Variants in GLIS3 observed in about 807,000 individuals in gnomAD.
The protein encoded by GLIS3 is GLIS family zinc finger 3.
A neutral mutation model predicts 78.6 loss-of-function variants in GLIS3; 53 were observed. That is an observed-to-expected ratio of 0.67 (90% CI 0.54 to 0.85). GLIS3 has a LOEUF of 0.85. GLIS3 is among the 40% of genes least tolerant of loss of function. The pLI, the probability that GLIS3 is intolerant of heterozygous loss-of-function variation, is 0.00. For synonymous variants in GLIS3, 684 were observed against 509.9 expected, an observed-to-expected ratio of 1.34 and a Z score of -4.60; for missense variants, 1,703 against 1,231.1, an observed-to-expected ratio of 1.38 and a Z score of -5.74.
intron 2 of GLIS3, among the ~76,000 whole-genome samples, chr9:4,337,388 T>C (rs958525175): frequency 6.6e-6 from 1 of 152,108 alleles, no homozygotes; most frequent in African/African-American, 2.4e-5. Context: ...AGTGATATGG[T>C]CAAAAAATTA....
intron 4 of GLIS3, among the ~76,000 whole-genome samples, chr9:4,093,223 C>G (rs1032905746): frequency 1.3e-5 from 2 of 151,108 alleles, no homozygotes; most frequent in Non-Finnish European, 2.9e-5. Context: ...AGTCTGGCTC[C>G]AGAGTCCACG....
intron 3 of GLIS3, among the ~76,000 whole-genome samples, chr9:4,124,982 C>G (rs1238598974): frequency 6.6e-6 from 1 of 152,156 alleles, no homozygotes; most frequent in Non-Finnish European, 1.5e-5. Context: ...TGGCTTTATG[C>G]CCCCTCCCAC....
chr9:4,417,452 C>G, the GLIS3 span, among the ~76,000 whole-genome samples: 1 of 152,150 alleles, frequency 6.6e-6, no homozygotes, highest in Non-Finnish European at 1.5e-5. Context: ...CTTAATGTAT[C>G]TTGGCAGTCT....
At chr9:3,966,493 C>T (rs1377525547) in intron 4 of GLIS3, among the ~76,000 whole-genome samples, 1 of 151,292 alleles carries the variant, frequency 6.6e-6, no homozygotes, top group African/African-American at 2.4e-5. Flanking sequence ...ACATGAACTG[C>T]TTTAAAATTT....
At chr9:3,997,785 T>C (rs893822505) in intron 4 of GLIS3, among the ~76,000 whole-genome samples, 3 of 151,826 alleles carry the variant, frequency 2.0e-5, no homozygotes, top group Admixed American at 6.6e-5. Context: ...TTAAAGGAAA[T>C]AGGAATAAGA....
the GLIS3 span, among the ~76,000 whole-genome samples, chr9:4,420,052 C>T: frequency 6.6e-6 from 1 of 152,106 alleles, no homozygotes; most frequent in African/African-American, 2.4e-5. Context: ...AGAGCAATGT[C>T]CTGAAGCCTG....
intron 2 of GLIS3, among the ~76,000 whole-genome samples, chr9:4,207,981 G>A (rs1820032451): frequency 1.3e-5 from 2 of 152,198 alleles, no homozygotes; most frequent in South Asian, 4.1e-4. Context: ...GTAGCGGTGT[G>A]CTTTAAACAG....
chr9:4,117,744 A>T, intron 4 of GLIS3, 24 bp downstream of exon 4: 1 of 1,613,998 alleles, frequency 6.2e-7, no homozygotes, highest in Non-Finnish European at 8.5e-7. Flanking sequence ...AAGAGAGGTC[A>T]CCCCTTGCGC....
chr9:4,153,065 A>C (rs990520501), intron 2 of GLIS3, among the ~76,000 whole-genome samples: 30 of 152,154 alleles, frequency 2.0e-4, no homozygotes, highest in African/African-American at 7.0e-4. Context: ...CCTCTTACCC[A>C]CTAGATGCCA....
chr9:4,368,289 C>G, the GLIS3 span, among the ~76,000 whole-genome samples: 1 of 151,388 alleles, frequency 6.6e-6, no homozygotes, highest in Non-Finnish European at 1.5e-5. Context: ...TAGAGCATCA[C>G]GAGGCAGAGA....
At chr9:4,186,319 G>A (rs903794050) in intron 2 of GLIS3, among the ~76,000 whole-genome samples, 1 of 151,902 alleles carries the variant, frequency 6.6e-6, no homozygotes, top group Non-Finnish European at 1.5e-5. Flanking sequence ...CCCTACAAAG[G>A]ACATGAACTC....
intron 6 of GLIS3, among the ~76,000 whole-genome samples, chr9:3,916,171 C>A (rs1475914604): frequency 1.3e-5 from 2 of 152,110 alleles, no homozygotes; most frequent in Non-Finnish European, 2.9e-5. Flanking sequence ...AGTCTGTTGA[C>A]AATAGAAAGC....
At chr9:4,449,012 G>A in the GLIS3 span, among the ~76,000 whole-genome samples, 1 of 152,148 alleles carries the variant, frequency 6.6e-6, no homozygotes, top group African/African-American at 2.4e-5. Context: ...AAGCAGGGCA[G>A]GGTGTCACCT....
intron 4 of GLIS3, among the ~76,000 whole-genome samples, chr9:4,084,615 T>C (rs192748920): frequency 6.6e-6 from 1 of 152,192 alleles, no homozygotes; most frequent in African/African-American, 2.4e-5. Flanking sequence ...GGATGGTGGT[T>C]AAAATAACTC....
the GLIS3 span, among the ~76,000 whole-genome samples, chr9:4,392,025 A>C: frequency 2.0e-5 from 3 of 152,346 alleles, no homozygotes; most frequent in East Asian, 5.8e-4. Flanking sequence ...GACAGACTGG[A>C]TAAAGAAAAT....
chr9:4,229,943 T>C (rs560614241), intron 2 of GLIS3, among the ~76,000 whole-genome samples: 43 of 152,214 alleles, frequency 2.8e-4, no homozygotes, highest in Non-Finnish European at 4.4e-4. Flanking sequence ...ATTCTGAACA[T>C]TGCCCAATCA....
chr9:4,050,105 A>C (rs7044560), intron 4 of GLIS3, among the ~76,000 whole-genome samples: 40,214 of 151,798 alleles, frequency 0.26, 6,001 homozygotes, highest in East Asian at 0.67. Context: ...TGGGTATATA[A>C]CCAAAGGTTT....
the GLIS3 span, among the ~76,000 whole-genome samples, chr9:4,441,190 C>G: frequency 6.6e-6 from 1 of 152,130 alleles, no homozygotes; most frequent in Non-Finnish European, 1.5e-5. Flanking sequence ...TAGTATTATG[C>G]TGAGTAAAAG....
At position 3,856,088 on chromosome 9, in the gene GLIS3, C is replaced by G. The variant is rs1819768063; in HGVS notation, c.2394G>C (p.Gln798His). ...ACTTCAGGTGTGAACCTGATGGCTG[C>G]TGGGTATAGGGAGGCTGTGTTCTTT... is the stretch of plus-strand genomic sequence containing the variant. The part of the protein sequence containing the change: ...ILQRTQPPYT[Q>H]QPSGSHLKSY... Residue 798 changes from glutamine (Q) to histidine (H), a missense_variant, in exon 9 of 11, where the codon CAG becomes CAC. Coordinates refer to ENST00000381971, the MANE Select transcript of GLIS3 (RefSeq NM_001042413.2). The G allele has an allele frequency of 6.2e-7, 1 of 1,614,044 alleles. No homozygotes were observed. Among genetic ancestry groups the G allele is most frequent in the Admixed American group, 1.7e-5 (1 of 59,990 alleles).
Sources: gnomAD v4.1 joint callset for allele counts (sites outside exome capture counted in the v4.1 genomes callset) on GRCh38, gnomAD v4.1.1 for gene constraint, MANE v1.5 for transcripts, NCBI Gene and HGNC (gene_info 2026-07-23, HGNC 2026-07-21) for gene names.